The following LRFN2 variants were observed in gnomAD, a reference collection of about 807,000 sequenced individuals.
LRFN2 encodes the protein leucine-rich repeat and fibronectin type-III domain-containing protein 2.
In LRFN2, 18 loss-of-function variants were observed where a neutral mutation model predicts 37.3. The observed-to-expected ratio is 0.48, with a 90% CI of 0.33 to 0.72. LRFN2 has a LOEUF of 0.72. Among genes scored for constraint, LRFN2 ranks in the 30% least tolerant of loss-of-function variants. The pLI is 0.02. For synonymous variants in LRFN2, 556 were observed against 466.6 expected (o/e 1.19, Z -2.47); for missense variants, 1,006 against 1,060.7 (o/e 0.95, Z 0.72).
At chr6:40,441,755 G>A (rs555396094) in intron 1 of LRFN2, among the ~76,000 whole-genome samples, 55 of 152,198 alleles carry the variant, frequency 3.6e-4, no homozygotes, top group Non-Finnish European at 4.4e-4. Flanking sequence ...GGGGGCCCTC[G>A]TGTCACACAA....
intron 1 of LRFN2, among the ~76,000 whole-genome samples, chr6:40,559,156 A>G (rs1050804930): frequency 3.9e-5 from 6 of 152,076 alleles, no homozygotes; most frequent in Middle Eastern, 6.8e-3. Context: ...GGTGGGGGTG[A>G]GAGAGGCTAC....
chr6:40,540,758 C>T (rs1376181733), intron 1 of LRFN2, among the ~76,000 whole-genome samples: 1 of 152,196 alleles, frequency 6.6e-6, no homozygotes, highest in Non-Finnish European at 1.5e-5. Flanking sequence ...GGCAAGCACC[C>T]TGTCCTGGGG....
At position 40,549,811 on chromosome 6, in the gene LRFN2, G is replaced by A. The variant is rs151227130; in HGVS notation, c.-19+37130C>T. 2.3e-3 allele frequency among the ~76,000 whole-genome samples: 348 copies of A among 152,192 alleles called. 2 individuals are homozygous for A. The highest frequency in any genetic ancestry group is 3.5e-3 in the Non-Finnish European group (239 of 68,004). ...CCAGCACTTTGGGAGGCCGAGGCAGGCGGATCACCTGAGGTAAGGAGTTCA... is the reference window on the plus strand; with the variant it reads ...CCAGCACTTTGGGAGGCCGAGGCAGACGGATCACCTGAGGTAAGGAGTTCA... On this transcript the variant is annotated intron_variant, in intron 1 of 2. Coordinates refer to ENST00000338305, the MANE Select transcript of LRFN2 (RefSeq NM_020737.3).
chr6:40,508,732 T>C (rs1765610508), intron 1 of LRFN2, among the ~76,000 whole-genome samples: 1 of 152,216 alleles, frequency 6.6e-6, no homozygotes, highest in African/African-American at 2.4e-5. Flanking sequence ...TGGCATGACA[T>C]TAGTGTTCCA....
intron 2 of LRFN2, among the ~76,000 whole-genome samples, chr6:40,430,484 C>T (rs1763453044): frequency 6.6e-6 from 1 of 152,206 alleles, no homozygotes; most frequent in Admixed American, 6.5e-5. Context: ...AAATAAAACA[C>T]ACAGAATTTC....
intron 1 of LRFN2, among the ~76,000 whole-genome samples, chr6:40,523,407 C>A (rs956614579): frequency 1.3e-5 from 2 of 152,066 alleles, no homozygotes; most frequent in Admixed American, 1.3e-4. Context: ...GCCTCAGCCC[C>A]ATTGATCAAA....
intron 1 of LRFN2, among the ~76,000 whole-genome samples, chr6:40,498,631 C>T: frequency 6.6e-6 from 1 of 152,228 alleles, no homozygotes. Context: ...GTGCTATGCA[C>T]ACACTCAGCT....
At chr6:40,518,655 C>T (rs905929546) in intron 1 of LRFN2, among the ~76,000 whole-genome samples, 6 of 152,172 alleles carry the variant, frequency 3.9e-5, no homozygotes, top group African/African-American at 1.2e-4. Context: ...CCCACACAAC[C>T]CCTCCTTGAG....
intron 1 of LRFN2, among the ~76,000 whole-genome samples, chr6:40,581,429 A>ATTCTAGGTT (rs1767399613): frequency 6.6e-6 from 1 of 152,194 alleles, no homozygotes; most frequent in Admixed American, 6.5e-5. Flanking sequence ...AGGAGAGCTC[A>ATTCTAGGTT]TTCTAGGTTC....
chr6:40,573,062 A>G (rs181515664), intron 1 of LRFN2, among the ~76,000 whole-genome samples: 5 of 152,354 alleles, frequency 3.3e-5, no homozygotes, highest in Admixed American at 6.5e-5. Context: ...CATCCTGCCC[A>G]TTTATCAAAC....
At chr6:40,505,140 T>G (rs1765499302) in intron 1 of LRFN2, among the ~76,000 whole-genome samples, 1 of 152,154 alleles carries the variant, frequency 6.6e-6, no homozygotes, top group Non-Finnish European at 1.5e-5. Context: ...TTCTTCTGGT[T>G]CAGGTGGGCA....
At chr6:40,460,524 C>T (rs185481767) in intron 1 of LRFN2, among the ~76,000 whole-genome samples, 159 of 152,252 alleles carry the variant, frequency 1.0e-3, no homozygotes, top group African/African-American at 3.6e-3. Flanking sequence ...ATTCCCAAGC[C>T]GTGTACTAAG....
chr6:40,482,032 C>T (rs1764842632), intron 1 of LRFN2, among the ~76,000 whole-genome samples: 1 of 152,220 alleles, frequency 6.6e-6, no homozygotes, highest in African/African-American at 2.4e-5. Flanking sequence ...TTACCAGTTA[C>T]CTAGCTTGCC....
intron 1 of LRFN2, among the ~76,000 whole-genome samples, chr6:40,437,162 CCTGGGCCCAGGGCCAAGG>C (rs1763702307): frequency 6.6e-6 from 1 of 152,092 alleles, no homozygotes; most frequent in Non-Finnish European, 1.5e-5. Flanking sequence ...GTCAGGTGCC[CCTGGGCCCAGGGCCAAGG>C]CTATTCATGG....
At chr6:40,456,862 G>T (rs1764246132) in intron 1 of LRFN2, among the ~76,000 whole-genome samples, 1 of 152,148 alleles carries the variant, frequency 6.6e-6, no homozygotes. Flanking sequence ...CTCAGAGGCA[G>T]CCCAACTCCC....
intron 1 of LRFN2, among the ~76,000 whole-genome samples, chr6:40,441,731 A>C (rs553309973): frequency 6.6e-6 from 1 of 152,234 alleles, no homozygotes; most frequent in East Asian, 1.9e-4. Flanking sequence ...TCCAGCCTAC[A>C]GGTGTGAGTA....
chr6:40,476,132 A>T (rs1326146644), intron 1 of LRFN2, among the ~76,000 whole-genome samples: 2 of 152,140 alleles, frequency 1.3e-5, no homozygotes, highest in Non-Finnish European at 2.9e-5. Context: ...CCCATGCCAC[A>T]ACCCTGTACC....
At chr6:40,400,691 G>T (rs1436625857) in intron 2 of LRFN2, among the ~76,000 whole-genome samples, 1 of 151,762 alleles carries the variant, frequency 6.6e-6, no homozygotes, top group Non-Finnish European at 1.5e-5. Flanking sequence ...AAAGTGCTGG[G>T]ATTACAGGCA....
At chr6:40,469,303 A>G (rs539273467) in intron 1 of LRFN2, among the ~76,000 whole-genome samples, 13 of 152,336 alleles carry the variant, frequency 8.5e-5, no homozygotes, top group South Asian at 8.3e-4. Context: ...TCAGGCCCTC[A>G]GGACTATAAG....
Sources: allele counts gnomAD v4.1 joint callset (sites outside exome capture counted in the v4.1 genomes callset), GRCh38; gene constraint gnomAD v4.1.1; transcripts MANE v1.5; gene names NCBI Gene and HGNC (gene_info 2026-07-23, HGNC 2026-07-21).